NEO1: variants seen among roughly 807,000 people sequenced by gnomAD.
NEO1 encodes the protein neogenin 1.
In NEO1, 63 loss-of-function variants were observed where a neutral mutation model predicts 159.7. That is an observed-to-expected ratio of 0.39 (90% confidence interval 0.32 to 0.49). The LOEUF is 0.49. Ranked by LOEUF, NEO1 falls within the 20% of genes least tolerant of loss-of-function variation. The pLI, the probability that NEO1 is intolerant of heterozygous loss-of-function variation, is 0.85. For missense variants in NEO1, 1,615 were observed against 1,831.0 expected (o/e 0.88, Z 2.15); for synonymous variants, 633 against 662.0 (o/e 0.96, Z 0.67).
At chr15:73,065,376 A>G (rs1488186929) in intron 1 of NEO1, among the ~76,000 whole-genome samples, 1 of 150,284 alleles carries the variant, frequency 6.7e-6, no homozygotes, top group African/African-American at 2.5e-5. Context: ...TTTAGCATTT[A>G]GTTAGGTTTG....
chr15:73,084,174 C>G (rs1457440506), intron 1 of NEO1, among the ~76,000 whole-genome samples: 1 of 151,876 alleles, frequency 6.6e-6, no homozygotes, highest in African/African-American at 2.4e-5. Flanking sequence ...AAAAAAAAAT[C>G]TCCCAGCGAT....
At chr15:73,196,710 C>T (rs2036549927) in intron 7 of NEO1, among the ~76,000 whole-genome samples, 2 of 152,320 alleles carry the variant, frequency 1.3e-5, no homozygotes, top group South Asian at 4.1e-4. Context: ...AGACTACAAA[C>T]CAAATTCAGA....
intron 8 of NEO1, among the ~76,000 whole-genome samples, chr15:73,242,466 G>C (rs1250871218): frequency 6.6e-6 from 1 of 152,158 alleles, no homozygotes; most frequent in Non-Finnish European, 1.5e-5. Context: ...CCAGGAGTTT[G>C]AGACCAGCCT....
intron 8 of NEO1, among the ~76,000 whole-genome samples, chr15:73,237,902 T>C (rs751840488): frequency 6.6e-6 from 1 of 152,140 alleles, no homozygotes; most frequent in Admixed American, 6.6e-5. Context: ...TTTGCTCTTA[T>C]TGTGCGTTCT....
At chr15:73,185,094 G>A (rs2151985719) in intron 7 of NEO1, among the ~76,000 whole-genome samples, 1 of 152,148 alleles carries the variant, frequency 6.6e-6, no homozygotes, top group Middle Eastern at 3.4e-3. Flanking sequence ...CAAAACTATG[G>A]AGTTAGTAAA....
Position 73,300,055 on chromosome 15 carries a change from T to C in NEO1, c.4166-1266T>C, listed in dbSNP as rs561144797. On this transcript the variant is annotated intron_variant, in intron 27 of 28. Coordinates refer to ENST00000261908, the MANE Select transcript of NEO1 (RefSeq NM_002499.4). ...ATTCATTCATCTGTCTTGCATTTAATGCATGATACTAAAATATCACACATC... is the reference window on the plus strand; with the variant it reads ...ATTCATTCATCTGTCTTGCATTTAACGCATGATACTAAAATATCACACATC... The C allele has an allele frequency of 2.0e-5, 3 of 152,374 alleles. No individual in the cohort carries two copies. The South Asian group carries it at 6.2e-4, about 32-fold the overall frequency. 9.4% of individuals were successfully genotyped at this position (152,374 alleles called of 1,614,324 possible).
chr15:73,240,922 T>A (rs1409475715), intron 8 of NEO1, among the ~76,000 whole-genome samples: 1 of 152,252 alleles, frequency 6.6e-6, no homozygotes, highest in African/African-American at 2.4e-5. Flanking sequence ...AACTTTCTTA[T>A]TAATCTTATC....
chr15:73,197,764 T>C (rs911710781), intron 7 of NEO1, among the ~76,000 whole-genome samples: 8 of 148,688 alleles, frequency 5.4e-5, no homozygotes, highest in African/African-American at 1.7e-4. Context: ...CACTGCAGCC[T>C]CTTCCTCCTG....
chr15:73,253,582 A>G, intron 12 of NEO1, 133 bp downstream of exon 12: 1 of 543,118 alleles, frequency 1.8e-6, no homozygotes, highest in Non-Finnish European at 3.1e-6. Flanking sequence ...CTGCATTTAA[A>G]AATACCAAAC....
At position 73,236,654 on chromosome 15, in the gene NEO1, A is replaced by G. The variant is rs940039432; in HGVS notation, c.1451+148A>G. ...ACCTTCCCTAATTTTAGGTCATTAA[A>G]TAAACTCCCAAACAGACTAAAGTCC... On this transcript the variant is annotated intron_variant, in intron 8 of 28. Coordinates refer to ENST00000261908, the MANE Select transcript of NEO1 (RefSeq NM_002499.4). 5 of 704,840 alleles carry G rather than the reference A, an allele frequency of 7.1e-6. No homozygotes were observed. In the Admixed American group the frequency reaches 1.0e-4, roughly 14 times the overall value. The allele number at this position is 704,840 out of a possible 1,614,324, so 43.7% of individuals were successfully genotyped here.
intron 5 of NEO1, among the ~76,000 whole-genome samples, chr15:73,163,655 T>C (rs2034350180): frequency 1.3e-5 from 2 of 152,220 alleles, no homozygotes; most frequent in Admixed American, 6.5e-5. Context: ...GGAGATCTTT[T>C]AAAATGCTGA....
chr15:73,296,998 T>C (rs1410866628), intron 26 of NEO1, among the ~76,000 whole-genome samples: 2 of 152,208 alleles, frequency 1.3e-5, no homozygotes, highest in African/African-American at 4.8e-5. Flanking sequence ...CTTGTTAAGG[T>C]TGAGGACTCC....
chr15:73,126,995 G>C (rs997227500), intron 4 of NEO1, among the ~76,000 whole-genome samples: 2 of 152,134 alleles, frequency 1.3e-5, no homozygotes, highest in Admixed American at 1.3e-4. Flanking sequence ...ACTTCGGGAC[G>C]CTGAGGTGGG....
At chr15:73,067,194 G>T (rs1323102913) in intron 1 of NEO1, among the ~76,000 whole-genome samples, 1 of 152,112 alleles carries the variant, frequency 6.6e-6, no homozygotes, top group East Asian at 1.9e-4. Context: ...AGATTGTTCT[G>T]TTTTCATATA....
chr15:73,070,017 A>T (rs1465491169), intron 1 of NEO1, among the ~76,000 whole-genome samples: 2 of 152,216 alleles, frequency 1.3e-5, no homozygotes, highest in Non-Finnish European at 2.9e-5. Flanking sequence ...GGAAAGGAAA[A>T]TGGCTAGCTT....
intron 7 of NEO1, among the ~76,000 whole-genome samples, chr15:73,217,217 T>C (rs2037944153): frequency 6.7e-6 from 1 of 149,872 alleles, no homozygotes; most frequent in African/African-American, 2.4e-5. Context: ...TTTTCTCAGG[T>C]TTGTCAAAGA....
At chr15:73,284,579 CTTTT>C (rs948774194) in intron 23 of NEO1, among the ~76,000 whole-genome samples, 20 of 137,186 alleles carry the variant, frequency 1.5e-4, no homozygotes, top group African/African-American at 2.4e-4. Flanking sequence ...ATAGCTCTTC[CTTTT>C]TTTTTTTTTT....
At chr15:73,054,283 C>G (rs558617678) in intron 1 of NEO1, among the ~76,000 whole-genome samples, 1 of 151,932 alleles carries the variant, frequency 6.6e-6, no homozygotes, top group Non-Finnish European at 1.5e-5. Flanking sequence ...AAAGTTTTGC[C>G]GATAATTTTG....
intron 16 of NEO1, among the ~76,000 whole-genome samples, chr15:73,268,883 T>C (rs1019932657): frequency 3.3e-5 from 5 of 152,190 alleles, no homozygotes; most frequent in African/African-American, 1.2e-4. Context: ...TACTGTACAG[T>C]ACTCTGATTT....
Sources: allele counts gnomAD v4.1 joint callset (sites outside exome capture counted in the v4.1 genomes callset), GRCh38; gene constraint gnomAD v4.1.1; transcripts MANE v1.5; gene names NCBI Gene and HGNC (gene_info 2026-07-23, HGNC 2026-07-21).